The following TENM1 variants were observed in gnomAD, a reference collection of about 807,000 sequenced individuals.
TENM1 encodes the protein teneurin-1.
TENM1 carries 35 observed loss-of-function variants against 174.8 expected under a neutral mutation model. That is an observed-to-expected ratio of 0.20 (90% CI 0.15 to 0.27). The LOEUF (loss-of-function observed/expected upper bound fraction) is 0.27, where lower values mean the gene tolerates loss of function less well. Ranked by LOEUF, TENM1 falls within the 10% of genes least tolerant of loss-of-function variation. The probability of loss-of-function intolerance (pLI) is 1.00; values close to 1 mark genes in which losing one functional copy is unlikely to be tolerated. For synonymous variants in TENM1, 781 were observed against 798.7 expected (o/e 0.98, Z 0.37); for missense variants, 1,633 against 2,130.1 (o/e 0.77, Z 4.59).
chrX:124,497,308 T>G (rs2047224643), intron 19 of TENM1, 43 bp from the exon 23 acceptor site: 5 of 1,138,337 alleles, frequency 4.4e-6, no homozygotes, highest in Non-Finnish European at 4.7e-6. Context: ...GAAAAGCAAT[T>G]ACCACAAAAT....
chrX:124,540,782 C>T (rs1312011413), intron 15 of TENM1, among the ~76,000 whole-genome samples: 1 of 111,757 alleles, frequency 8.9e-6, no homozygotes, highest in African/African-American at 3.3e-5. Context: ...TGAAGTACTT[C>T]AGTTTGTTTT....
chrX:124,377,015 A>G (rs543580060), exon 32 of TENM1: 1 of 110,685 alleles, frequency 9.0e-6, no homozygotes, highest in South Asian at 3.8e-4. Flanking sequence ...TCTATTACCA[A>G]TGAACTCCAT....
chrX:124,489,751 G>A, intron 20 of TENM1, among the ~76,000 whole-genome samples: 1 of 111,695 alleles, frequency 9.0e-6, no homozygotes, highest in Non-Finnish European at 1.9e-5. Flanking sequence ...GACTCTGACT[G>A]GCCTGCACTG....
intron 1 of TENM1, among the ~76,000 whole-genome samples, chrX:124,915,093 A>G (rs892005132): frequency 9.0e-6 from 1 of 111,084 alleles, no homozygotes; most frequent in Non-Finnish European, 1.9e-5. Context: ...ATTCTTTCTT[A>G]TATTTGATTT....
chrX:125,073,291 G>A, the TENM1 span, among the ~76,000 whole-genome samples: 1 of 111,192 alleles, frequency 9.0e-6, no homozygotes, highest in African/African-American at 3.3e-5. Context: ...GGGATACATT[G>A]ATGATGAAGG....
chrX:125,034,635 G>T, the TENM1 span, among the ~76,000 whole-genome samples: 1 of 111,942 alleles, frequency 8.9e-6, no homozygotes, highest in South Asian at 3.7e-4. Flanking sequence ...TCACATCTTA[G>T]TTTTGATACA....
At chrX:124,746,171 T>C (rs2053914694) in intron 3 of TENM1, among the ~76,000 whole-genome samples, 1 of 112,229 alleles carries the variant, frequency 8.9e-6, no homozygotes, top group African/African-American at 3.2e-5. Flanking sequence ...AATTTAAAGT[T>C]TGAATTCAAT....
chrX:124,471,907 C>T (rs773477462), intron 22 of TENM1, among the ~76,000 whole-genome samples: 1 of 105,622 alleles, frequency 9.5e-6, no homozygotes, highest in African/African-American at 3.4e-5. Flanking sequence ...TTCCTTATAC[C>T]TGCAGGGGCG....
At chrX:124,995,213 C>G in the TENM1 span, among the ~76,000 whole-genome samples, 6 of 110,748 alleles carry the variant, frequency 5.4e-5, no homozygotes, top group African/African-American at 1.3e-4. Flanking sequence ...ATATTATATG[C>G]TTTTATATAG....
the TENM1 span, among the ~76,000 whole-genome samples, chrX:125,139,862 A>ACG: frequency 9.9e-3 from 628 of 63,519 alleles, 9 homozygotes; most frequent in African/African-American, 0.041. Flanking sequence ...ACACACGGAG[A>ACG]GAGAGAGAGA....
intron 22 of TENM1, among the ~76,000 whole-genome samples, chrX:124,478,130 C>A (rs761077460): frequency 5.3e-5 from 6 of 112,305 alleles, no homozygotes; most frequent in Admixed American, 9.5e-5. Flanking sequence ...CAGTTTACAA[C>A]TGAAGAATTT....
At chrX:124,905,344 G>A (rs2057730260) in intron 1 of TENM1, among the ~76,000 whole-genome samples, 1 of 111,492 alleles carries the variant, frequency 9.0e-6, no homozygotes, top group African/African-American at 3.3e-5. Context: ...AATTTTCTAA[G>A]TTGGGAAAGA....
intron 1 of TENM1, among the ~76,000 whole-genome samples, chrX:124,930,039 G>A (rs767888388): frequency 9.2e-6 from 1 of 108,972 alleles, no homozygotes; most frequent in East Asian, 2.9e-4. Context: ...ACCTCATACC[G>A]TAACCTCTAT....
At position 124,718,562 on chromosome X, in the gene TENM1, T is replaced by C. The variant is rs16999415; in HGVS notation, c.777-13311A>G. On this transcript the variant is annotated intron_variant, in intron 4 of 31. Transcript: ENST00000422452. ...TTGGGGATAAAAATTATATGACGAG[T>C]TGCCATTGCATTAAAAGTAAAGCAA... Among the ~76,000 whole-genome samples the C allele has an allele frequency of 6.8e-3, 763 of 112,072 alleles. 8 individuals carry two copies. Among genetic ancestry groups the C allele is most frequent in the African/African-American group, 0.024 (733 of 30,815 alleles).
chrX:125,008,793 A>T, the TENM1 span, among the ~76,000 whole-genome samples: 1 of 111,993 alleles, frequency 8.9e-6, no homozygotes. Flanking sequence ...CTGGGTAAAT[A>T]ACAAAATTAA....
At chrX:124,745,941 T>A (rs1365612832) in intron 3 of TENM1, among the ~76,000 whole-genome samples, 1 of 111,295 alleles carries the variant, frequency 9.0e-6, no homozygotes, top group East Asian at 2.8e-4. Context: ...AATGGGCTAG[T>A]GAGGGAGCCT....
intron 11 of TENM1, among the ~76,000 whole-genome samples, chrX:124,579,931 G>A (rs1388661685): frequency 8.9e-6 from 1 of 111,732 alleles, no homozygotes; most frequent in Non-Finnish European, 1.9e-5. Flanking sequence ...GATGAGTTAT[G>A]TTTGGTTTTG....
At chrX:124,829,787 C>A (rs771407730) in intron 3 of TENM1, among the ~76,000 whole-genome samples, 2 of 112,374 alleles carry the variant, frequency 1.8e-5, no homozygotes, top group South Asian at 7.4e-4. Context: ...AAAAGTTAGA[C>A]CTGCTTAGGC....
At chrX:124,392,214 T>C in exon 28 of TENM1, 1 of 1,211,668 alleles carries the variant, frequency 8.3e-7, no homozygotes, top group Non-Finnish European at 1.1e-6. Flanking sequence ...TATATCTGCT[T>C]ACAGGAGACC....
Sources: gnomAD v4.1 joint callset for allele counts (sites outside exome capture counted in the v4.1 genomes callset) on GRCh38, gnomAD v4.1.1 for gene constraint, MANE v1.5 for transcripts, NCBI Gene and HGNC (gene_info 2026-07-23, HGNC 2026-07-21) for gene names.